IL18R1: variants seen among roughly 807,000 people sequenced by gnomAD.
IL18R1 encodes the protein interleukin-18 receptor 1.
In IL18R1, 40 loss-of-function variants were observed where a neutral mutation model predicts 48.5. The observed-to-expected ratio is 0.82, with a 90% CI of 0.64 to 1.07. IL18R1 has a LOEUF of 1.07. IL18R1 is among the 50% of genes least tolerant of loss of function. The pLI, the probability that IL18R1 is intolerant of heterozygous loss-of-function variation, is 0.00. For synonymous variants in IL18R1, 232 were observed against 225.9 expected (o/e 1.03, Z -0.24); for missense variants, 596 against 633.7 (o/e 0.94, Z 0.64).
chr2:102,381,956 C>T (rs1023328630), intron 6 of IL18R1, among the ~76,000 whole-genome samples: 3 of 152,080 alleles, frequency 2.0e-5, no homozygotes, highest in South Asian at 2.1e-4. Context: ...TTGTCTTTAA[C>T]TCTCTCTATG....
chr2:102,372,791 AT>A (rs1235885197), intron 4 of IL18R1, among the ~76,000 whole-genome samples: 1 of 152,134 alleles, frequency 6.6e-6, no homozygotes, highest in Non-Finnish European at 1.5e-5. Context: ...TCCCATTGTT[AT>A]TGGACATTTG....
At chr2:102,396,099 G>A (rs901588476) in intron 10 of IL18R1, among the ~76,000 whole-genome samples, 3 of 151,964 alleles carry the variant, frequency 2.0e-5, no homozygotes, top group Non-Finnish European at 4.4e-5. Context: ...TTCTGCTTGA[G>A]GAGAAGCAGG....
At chr2:102,364,775 G>A (rs957656139) in intron 2 of IL18R1, among the ~76,000 whole-genome samples, 2 of 152,086 alleles carry the variant, frequency 1.3e-5, no homozygotes, top group Admixed American at 1.3e-4. Flanking sequence ...TGGCTGGGGA[G>A]GCCTCAGGAA....
intron 1 of IL18R1, among the ~76,000 whole-genome samples, chr2:102,356,862 C>G (rs578156058): frequency 8.6e-4 from 131 of 152,286 alleles, no homozygotes; most frequent in African/African-American, 2.9e-3. Flanking sequence ...GATTCCAGAG[C>G]CTTTGTCTTT....
rs3771174 is a variant in IL18R1, at chr2:102,367,125, T to C, written c.59-700T>C. On this transcript the variant is annotated intron_variant, in intron 2 of 10. Transcript: ENST00000233957. ...GCCGAAAGAGGGGAACGAGCACCTATCCTGGGTAGATGATGGTCAGATATA... is the reference window on the plus strand; with the variant it reads ...GCCGAAAGAGGGGAACGAGCACCTACCCTGGGTAGATGATGGTCAGATATA... Among the ~76,000 whole-genome samples the C allele has an allele frequency of 8.5e-4, 129 of 152,242 alleles. 2 individuals carry two copies. In the East Asian group the frequency reaches 0.01, roughly 12 times the overall value.
rs1309822191 is a variant in IL18R1, at chr2:102,397,898, T to C, written c.*1012T>C. On this transcript the variant is annotated 3_prime_UTR_variant, in exon 11 of 11. Coordinates refer to ENST00000233957, the MANE Select transcript of IL18R1 (RefSeq NM_003855.5). ...GCTTCAGTTTCCTCATCTGTGAAAT[T>C]AGAATTTATAATAATTGCACCTACC... is the stretch of plus-strand genomic sequence containing the variant. The C allele has an allele frequency of 6.6e-6, 1 of 152,172 alleles. No individual in the cohort carries two copies. The highest frequency in any genetic ancestry group is 1.5e-5 in the Non-Finnish European group (1 of 68,028). 9.4% of individuals were successfully genotyped at this position (152,172 alleles called of 1,614,324 possible).
chr2:102,361,187 T>G (rs1220759550), intron 1 of IL18R1, among the ~76,000 whole-genome samples: 2 of 152,210 alleles, frequency 1.3e-5, no homozygotes, highest in Non-Finnish European at 2.9e-5. Flanking sequence ...AATAACATTT[T>G]TTATTCTATC....
intron 6 of IL18R1, among the ~76,000 whole-genome samples, chr2:102,382,982 G>A (rs1414784153): frequency 6.6e-6 from 1 of 151,992 alleles, no homozygotes; most frequent in African/African-American, 2.4e-5. Context: ...TACTTTAGCT[G>A]TTTCTCATAT....
At chr2:102,390,900 G>C (rs368747769) in intron 9 of IL18R1, among the ~76,000 whole-genome samples, 4 of 135,062 alleles carry the variant, frequency 3.0e-5, no homozygotes, top group Non-Finnish European at 6.1e-5. Context: ...GCGCCGCTGC[G>C]CTCCAGCCTG....
intron 5 of IL18R1, among the ~76,000 whole-genome samples, chr2:102,377,614 C>T (rs1331611725): frequency 6.6e-6 from 1 of 152,262 alleles, no homozygotes; most frequent in Non-Finnish European, 1.5e-5. Flanking sequence ...CTGCACCAGG[C>T]TGGAAAATGT....
At position 102,367,387 on chromosome 2, in the gene IL18R1, G is replaced by C. The variant is rs11465591; in HGVS notation, c.59-438G>C. Among the ~76,000 whole-genome samples, 1,107 of 152,268 alleles carry C rather than the reference G, an allele frequency of 7.3e-3. 11 individuals carry two copies. Among genetic ancestry groups the C allele is most frequent in the African/African-American group, 0.024 (998 of 41,552 alleles). On this transcript the variant is annotated intron_variant, in intron 2 of 10. Transcript: ENST00000233957. ...GAGTGAGATTTCTGATGGTGCAGAG[G>C]AAGAACGCCAAGGTTGCTAGATTTC...
chr2:102,388,330 T>TGCCGTTGTCG (rs1441616716), intron 8 of IL18R1, among the ~76,000 whole-genome samples: 2 of 152,132 alleles, frequency 1.3e-5, no homozygotes, highest in East Asian at 3.9e-4. Context: ...ACGACAAGCT[T>TGCCGTTGTCG]TATAGAGGTG....
intron 9 of IL18R1, among the ~76,000 whole-genome samples, chr2:102,392,592 A>C (rs1242747304): frequency 6.6e-6 from 1 of 152,196 alleles, no homozygotes; most frequent in African/African-American, 2.4e-5. Context: ...TATGAAGATA[A>C]AAACTTTTAT....
chr2:102,395,672 A>T lies in IL18R1; in HGVS notation c.1271-859A>T, dbSNP rs187985060. ...CTGGGCCATACATCAATTTTACTAT[A>T]TTTCCGTTATTTTCTAGGGGCCTTT... is the stretch of plus-strand genomic sequence containing the variant. On this transcript the variant is annotated intron_variant, in intron 10 of 10. Transcript: ENST00000233957. Among the ~76,000 whole-genome samples the T allele has an allele frequency of 1.8e-3, 271 of 152,282 alleles. 1 individual carries two copies. The highest frequency in any genetic ancestry group is 6.1e-3 in the African/African-American group (253 of 41,556).
intron 7 of IL18R1, among the ~76,000 whole-genome samples, chr2:102,386,042 G>T (rs577640355): frequency 6.6e-4 from 100 of 152,312 alleles, no homozygotes; most frequent in Non-Finnish European, 1.2e-3. Flanking sequence ...TTAGATGGTT[G>T]TTATTTCTGG....
intron 9 of IL18R1, 79 bp from the exon 10 acceptor site, chr2:102,394,386 ATTAC>A (rs1346939570): frequency 3.1e-5 from 36 of 1,147,130 alleles, no homozygotes; most frequent in African/African-American, 6.4e-5. Context: ...TTCTATACTC[ATTAC>A]TTACGACATT....
chr2:102,368,404 G>A (rs533722904), intron 3 of IL18R1, among the ~76,000 whole-genome samples: 40 of 152,150 alleles, frequency 2.6e-4, no homozygotes, highest in Non-Finnish European at 4.9e-4. Context: ...TCAGCAGCTC[G>A]GACTTCACGA....
At chr2:102,379,692 C>T (rs1679808141) in intron 5 of IL18R1, among the ~76,000 whole-genome samples, 1 of 152,170 alleles carries the variant, frequency 6.6e-6, no homozygotes, top group Non-Finnish European at 1.5e-5. Flanking sequence ...TTAAGACTTA[C>T]TGTCAGACCA....
In IL18R1 at chr2:102,381,653, C is replaced by G; in HGVS notation, c.659C>G (p.Pro220Arg). ...AATATAGTTCCGGTTCTTCTTGGACCAAAGCTTAACCATGTTGCAGTGGAA... is the reference window on the plus strand; with the variant it reads ...AATATAGTTCCGGTTCTTCTTGGACGAAAGCTTAACCATGTTGCAGTGGAA... ...RSNIVPVLLG[P>R]KLNHVAVELG... The change falls in exon 6 of 11, where the codon CCA becomes CGA. Residue 220 changes from proline (P) to arginine (R), a missense_variant. Coordinates refer to ENST00000233957, the MANE Select transcript of IL18R1 (RefSeq NM_003855.5). 2 of 1,612,782 alleles carry G rather than the reference C, an allele frequency of 1.2e-6. No individual in the cohort carries two copies. The highest frequency in any genetic ancestry group is 2.7e-5 in the African/African-American group (2 of 74,994).
Sources: allele counts gnomAD v4.1 joint callset (sites outside exome capture counted in the v4.1 genomes callset), GRCh38; gene constraint gnomAD v4.1.1; transcripts MANE v1.5; gene names NCBI Gene and HGNC (gene_info 2026-07-23, HGNC 2026-07-21).